The following MBD5 variants were observed in gnomAD, a reference collection of about 807,000 sequenced individuals.
MBD5 encodes the protein methyl-CpG-binding domain protein 5.
A neutral mutation model predicts 117.3 loss-of-function variants in MBD5; 13 were observed. The ratio of observed to expected loss-of-function variants is 0.11; its 90% CI spans 0.07 to 0.18. The LOEUF (loss-of-function observed/expected upper bound fraction) is 0.18, where lower values mean the gene tolerates loss of function less well. MBD5 is among the 10% of genes least tolerant of loss of function. MBD5 has a pLI of 1.00. For missense variants in MBD5, 1,879 were observed against 2,093.8 expected, an observed-to-expected ratio of 0.90 and a Z score of 2.00; for synonymous variants, 727 against 766.4, an observed-to-expected ratio of 0.95 and a Z score of 0.85.
intron 1 of MBD5, among the ~76,000 whole-genome samples, chr2:148,043,491 A>G (rs998383815): frequency 6.6e-6 from 1 of 151,798 alleles, no homozygotes; most frequent in Non-Finnish European, 1.5e-5. Context: ...AAATAAAAGA[A>G]TAGACTTTCT....
intron 2 of MBD5, among the ~76,000 whole-genome samples, chr2:148,208,857 T>G (rs1191368090): frequency 1.3e-5 from 2 of 152,174 alleles, no homozygotes; most frequent in African/African-American, 4.8e-5. Flanking sequence ...TGAATAGAAA[T>G]AGTATCATCA....
At chr2:148,168,127 A>G (rs766508976) in intron 1 of MBD5, among the ~76,000 whole-genome samples, 1 of 152,178 alleles carries the variant, frequency 6.6e-6, no homozygotes, top group Non-Finnish European at 1.5e-5. Flanking sequence ...AGTTCTATTC[A>G]TCTAATTTGA....
At position 148,470,163 on chromosome 2, in the gene MBD5, A is replaced by G; in HGVS notation, c.2220A>G (p.Thr740=). 1 of 1,613,986 alleles carries G rather than the reference A, an allele frequency of 6.2e-7. No individual in the cohort carries two copies. Among genetic ancestry groups the G allele is most frequent in the Non-Finnish European group, 8.5e-7 (1 of 1,179,912 alleles). ...LPCSANQLHF[T]DPSMNSSVLQ... is the part of the protein sequence containing the mutation. ...GCTCTGCTAACCAGCTGCATTTTAC[A>G]GATCCCAGTATGAACTCTAGTGTTC... is the stretch of plus-strand genomic sequence containing the variant. Residue 740 remains threonine, a synonymous_variant, in exon 8 of 14, where the codon ACA becomes ACG. Transcript: ENST00000642680.
intron 3 of MBD5, among the ~76,000 whole-genome samples, chr2:148,280,803 T>A (rs1216210206): frequency 2.0e-5 from 3 of 152,218 alleles, no homozygotes; most frequent in Non-Finnish European, 2.9e-5. Context: ...TTTTTGTAGT[T>A]CTGAAAATAT....
intron 3 of MBD5, among the ~76,000 whole-genome samples, chr2:148,313,766 G>A (rs568465591): frequency 1.3e-5 from 2 of 152,254 alleles, no homozygotes; most frequent in South Asian, 4.1e-4. Flanking sequence ...GGGCCCTAGT[G>A]GTGTAGGCAC....
At chr2:148,150,130 A>G (rs7557441) in intron 1 of MBD5, among the ~76,000 whole-genome samples, 6,285 of 127,390 alleles carry the variant, frequency 0.049, 169 homozygotes, top group Middle Eastern at 0.073. Flanking sequence ...AGGTGTAAGG[A>G]AGGGATCCAG....
chr2:148,438,485 C>T (rs951662991), intron 4 of MBD5, among the ~76,000 whole-genome samples: 1 of 152,152 alleles, frequency 6.6e-6, no homozygotes, highest in Non-Finnish European at 1.5e-5. Flanking sequence ...CCTTTTGCAA[C>T]AGAACAATTT....
intron 1 of MBD5, among the ~76,000 whole-genome samples, chr2:148,048,984 C>T (rs537404414): frequency 6.6e-6 from 1 of 152,216 alleles, no homozygotes; most frequent in South Asian, 2.1e-4. Flanking sequence ...AAGGGTGAGG[C>T]AGGAGGAGCA....
chr2:148,319,816 A>G (rs1056812981), intron 3 of MBD5, among the ~76,000 whole-genome samples: 3 of 152,178 alleles, frequency 2.0e-5, no homozygotes, highest in African/African-American at 7.2e-5. Flanking sequence ...GAATGTGGGC[A>G]TCCTTATCTT....
At chr2:148,366,929 T>A (rs1024445734) in intron 4 of MBD5, among the ~76,000 whole-genome samples, 1 of 152,158 alleles carries the variant, frequency 6.6e-6, no homozygotes, top group Non-Finnish European at 1.5e-5. Context: ...TTCAATGTTA[T>A]CCCCATTAAG....
intron 3 of MBD5, among the ~76,000 whole-genome samples, chr2:148,339,118 T>C (rs1315847374): frequency 6.6e-6 from 1 of 152,140 alleles, no homozygotes; most frequent in Non-Finnish European, 1.5e-5. Context: ...GTCTCTGTGA[T>C]GACTGTGTTA....
At chr2:148,413,547 T>A (rs532027323) in intron 4 of MBD5, among the ~76,000 whole-genome samples, 81 of 150,946 alleles carry the variant, frequency 5.4e-4, no homozygotes, top group African/African-American at 1.9e-3. Context: ...GTAGAAATGG[T>A]ACCAGATCTT....
chr2:148,438,463 C>T (rs1175580479), intron 4 of MBD5, among the ~76,000 whole-genome samples: 2 of 152,160 alleles, frequency 1.3e-5, no homozygotes, highest in Admixed American at 1.3e-4. Flanking sequence ...TGTACACTTA[C>T]CTGATCATAG....
At chr2:148,092,692 A>G (rs116483592) in intron 1 of MBD5, among the ~76,000 whole-genome samples, 1,544 of 152,132 alleles carry the variant, frequency 0.01, 36 homozygotes, top group African/African-American at 0.035. Context: ...AGGGATAAAG[A>G]CTACACATTG....
rs1222689370 is a variant in MBD5 at position 148,458,297 on chromosome 2, G to C, written c.-462G>C. ...TTGGAAGATAAAGAGAAAGTTTAAAGAATGTGGCCTATAAAGGCGGGTACC... is the reference window on the plus strand; with the variant it reads ...TTGGAAGATAAAGAGAAAGTTTAAACAATGTGGCCTATAAAGGCGGGTACC... On this transcript the variant is annotated 5_prime_UTR_variant, in exon 5 of 14. Transcript: ENST00000642680. 2.0e-5 allele frequency: 8 copies of C among 408,106 alleles called. No individual in the cohort carries two copies. The highest frequency in any genetic ancestry group is 1.6e-4 in the African/African-American group (8 of 48,710). 25.3% of individuals were successfully genotyped at this position (408,106 alleles called of 1,614,324 possible). A position where few individuals can be genotyped will look rare whatever the true frequency, so the allele number is the denominator to read the frequency against.
At chr2:148,375,830 A>G (rs886465109) in intron 4 of MBD5, among the ~76,000 whole-genome samples, 6 of 152,056 alleles carry the variant, frequency 3.9e-5, no homozygotes, top group African/African-American at 7.2e-5. Context: ...TGCCTTCAGT[A>G]ATCATCCAAA....
chr2:148,079,932 A>G (rs1433631396), intron 1 of MBD5, among the ~76,000 whole-genome samples: 1 of 152,138 alleles, frequency 6.6e-6, no homozygotes, highest in Non-Finnish European at 1.5e-5. Context: ...TTTTCCATAA[A>G]GTCCAGAACC....
intron 1 of MBD5, among the ~76,000 whole-genome samples, chr2:148,166,088 A>G (rs1698119542): frequency 1.3e-5 from 2 of 152,170 alleles, no homozygotes. Flanking sequence ...TGACAGGACA[A>G]TTCTCTAAAT....
At chr2:148,201,939 A>G (rs10928384) in intron 2 of MBD5, among the ~76,000 whole-genome samples, 27,458 of 152,192 alleles carry the variant, frequency 0.18, 2,768 homozygotes, top group Middle Eastern at 0.27. Flanking sequence ...AAGGGTAGGG[A>G]TGAATCGGAG....
Sources: gnomAD v4.1 joint callset for allele counts (sites outside exome capture counted in the v4.1 genomes callset) on GRCh38, gnomAD v4.1.1 for gene constraint, MANE v1.5 for transcripts, NCBI Gene and HGNC (gene_info 2026-07-23, HGNC 2026-07-21) for gene names.